The following DCDC1 variants were observed in gnomAD, a reference collection of about 807,000 sequenced individuals.
DCDC1 encodes doublecortin domain containing 1.
Under a neutral mutation model 178.3 loss-of-function variants are expected in DCDC1, and 200 were observed. The ratio of observed to expected loss-of-function variants is 1.12; its 90% CI spans 1.00 to 1.26. DCDC1 has a LOEUF of 1.26. Ranked by LOEUF, DCDC1 falls within the 50% of genes most tolerant of loss-of-function variation. The probability of loss-of-function intolerance (pLI) is 0.00; values close to 1 mark genes in which losing one functional copy is unlikely to be tolerated. For synonymous variants in DCDC1, 690 were observed against 604.8 expected (o/e 1.14, Z -2.07); for missense variants, 1,983 against 1,749.2 (o/e 1.13, Z -2.38).
chr11:30,974,892 A>G (rs1268296923), intron 20 of DCDC1, among the ~76,000 whole-genome samples: 1 of 152,162 alleles, frequency 6.6e-6, no homozygotes, highest in African/African-American at 2.4e-5. Flanking sequence ...TTACCTTAAT[A>G]CCAAAACCAG....
At chr11:31,328,945 C>CTTTTTTTTT (rs1176942329) in intron 2 of DCDC1, among the ~76,000 whole-genome samples, 29 of 47,804 alleles carry the variant, frequency 6.1e-4, no homozygotes, top group Non-Finnish European at 8.0e-4. Context: ...CACCACAAGG[C>CTTTTTTTTT]TTTTTTTTTT....
intron 21 of DCDC1, among the ~76,000 whole-genome samples, chr11:30,935,498 C>G (rs1947221148): frequency 6.6e-6 from 1 of 152,110 alleles, no homozygotes; most frequent in African/African-American, 2.4e-5. Flanking sequence ...GTATAGCAGC[C>G]CATCCCAGCC....
chr11:31,301,988 C>T (rs1025585793), intron 6 of DCDC1, among the ~76,000 whole-genome samples: 3 of 152,054 alleles, frequency 2.0e-5, no homozygotes, highest in African/African-American at 7.2e-5. Context: ...ATTCATAATA[C>T]CAAGTTTCAC....
At chr11:31,237,233 T>C (rs1355631383) in intron 9 of DCDC1, among the ~76,000 whole-genome samples, 1 of 151,870 alleles carries the variant, frequency 6.6e-6, no homozygotes, top group Non-Finnish European at 1.5e-5. Context: ...TCTAAGTGCT[T>C]TGGTAGAGCT....
At chr11:31,229,239 A>G (rs1444707469) in intron 9 of DCDC1, among the ~76,000 whole-genome samples, 1 of 152,116 alleles carries the variant, frequency 6.6e-6, no homozygotes, top group African/African-American at 2.4e-5. Context: ...ATACATCTCA[A>G]CTCATTTGAT....
chr11:31,332,237 AT>A (rs1555180799), intron 2 of DCDC1, among the ~76,000 whole-genome samples: 1 of 152,046 alleles, frequency 6.6e-6, no homozygotes, highest in Admixed American at 6.6e-5. Flanking sequence ...CCCCTTTATC[AT>A]TTTTTATTGC....
At chr11:30,936,131 G>A (rs1288092369) in intron 21 of DCDC1, among the ~76,000 whole-genome samples, 1 of 152,198 alleles carries the variant, frequency 6.6e-6, no homozygotes, top group Admixed American at 6.5e-5. Flanking sequence ...AAGAGGCAGA[G>A]TTTGAGTCAG....
chr11:31,047,343 A>G (rs1412971356), intron 20 of DCDC1, among the ~76,000 whole-genome samples: 1 of 152,218 alleles, frequency 6.6e-6, no homozygotes, highest in Non-Finnish European at 1.5e-5. Context: ...AACAGAAAAA[A>G]AAATCAGCAT....
intron 8 of DCDC1, among the ~76,000 whole-genome samples, chr11:31,262,196 G>A (rs970766419): frequency 1.3e-5 from 2 of 151,754 alleles, no homozygotes; most frequent in African/African-American, 4.8e-5. Context: ...GAGCTTGGGA[G>A]CTCAAGGCTG....
intron 1 of DCDC1, among the ~76,000 whole-genome samples, chr11:31,336,186 G>A (rs1033911847): frequency 1.3e-5 from 2 of 152,240 alleles, no homozygotes; most frequent in African/African-American, 4.8e-5. Context: ...GTATGTGGGA[G>A]TGGAGGGAAT....
chr11:31,023,550 C>T (rs945047433), intron 20 of DCDC1, among the ~76,000 whole-genome samples: 6 of 151,896 alleles, frequency 4.0e-5, no homozygotes, highest in African/African-American at 1.2e-4. Context: ...AAGAGGAAAA[C>T]AAATAGCCTA....
chr11:31,030,890 C>T (rs529741966), intron 20 of DCDC1, among the ~76,000 whole-genome samples: 1 of 152,064 alleles, frequency 6.6e-6, no homozygotes, highest in South Asian at 2.1e-4. Flanking sequence ...CTAGAAATTC[C>T]CCCCTCTGAG....
At chr11:31,205,304 C>T (rs960275200) in intron 9 of DCDC1, among the ~76,000 whole-genome samples, 1 of 152,138 alleles carries the variant, frequency 6.6e-6, no homozygotes, top group African/African-American at 2.4e-5. Context: ...CTGTATGGTA[C>T]ACAAAGCCTA....
chr11:31,048,392 T>G (rs892741918), intron 20 of DCDC1, among the ~76,000 whole-genome samples: 2 of 152,134 alleles, frequency 1.3e-5, no homozygotes, highest in African/African-American at 4.8e-5. Context: ...TTCACCAAAT[T>G]AAAATCTAGA....
chr11:30,924,842 G>A (rs1946494235), intron 23 of DCDC1, among the ~76,000 whole-genome samples: 2 of 152,112 alleles, frequency 1.3e-5, no homozygotes, highest in Admixed American at 6.5e-5. Flanking sequence ...GGAGGCTGAG[G>A]CAGGTGGATC....
intron 3 of DCDC1, among the ~76,000 whole-genome samples, chr11:31,325,754 T>C (rs1037565691): frequency 2.0e-5 from 3 of 152,252 alleles, no homozygotes; most frequent in Middle Eastern, 6.8e-3. Context: ...GTGTATTAAT[T>C]AATGAAGAAA....
chr11:31,042,448 A>G (rs960633627), intron 20 of DCDC1, among the ~76,000 whole-genome samples: 3 of 152,166 alleles, frequency 2.0e-5, no homozygotes, highest in Admixed American at 1.3e-4. Flanking sequence ...TGTCTTTGTG[A>G]AAAAAATAAG....
intron 9 of DCDC1, among the ~76,000 whole-genome samples, chr11:31,153,817 C>CACACACACACACACACACACA (rs957007039): frequency 4.7e-5 from 7 of 150,102 alleles, no homozygotes; most frequent in African/African-American, 1.7e-4. Context: ...CACACACACA[C>CACACACACACACACACACACA]AATTACCATA....
At chr11:31,110,885 G>A (rs577158178) in intron 11 of DCDC1, among the ~76,000 whole-genome samples, 2 of 152,224 alleles carry the variant, frequency 1.3e-5, no homozygotes, top group African/African-American at 4.8e-5. Context: ...ATAACAGTGT[G>A]ATGAAAGTCA....
Sources: gnomAD v4.1 joint callset for allele counts (sites outside exome capture counted in the v4.1 genomes callset) on GRCh38, gnomAD v4.1.1 for gene constraint, MANE v1.5 for transcripts, NCBI Gene and HGNC (gene_info 2026-07-23, HGNC 2026-07-21) for gene names.